The following DMXL2 variants were observed in gnomAD, a reference collection of about 807,000 sequenced individuals.
DMXL2 encodes Dmx like 2.
Under a neutral mutation model 331.1 loss-of-function variants are expected in DMXL2, and 103 were observed. That is an observed-to-expected ratio of 0.31 (90% CI 0.27 to 0.37). The LOEUF (loss-of-function observed/expected upper bound fraction) is 0.37. DMXL2 is among the 10% of genes least tolerant of loss of function. DMXL2 has a pLI of 1.00. For synonymous variants in DMXL2, 1,281 were observed against 1,252.1 expected (o/e 1.02, Z -0.49); for missense variants, 3,171 against 3,642.9 (o/e 0.87, Z 3.33).
chr15:51,534,079 G>A (rs1446046801), intron 13 of DMXL2, among the ~76,000 whole-genome samples: 1 of 152,164 alleles, frequency 6.6e-6, no homozygotes, highest in African/African-American at 2.4e-5. Flanking sequence ...AGGTTTAGCA[G>A]AGAGCAGGGA....
chr15:51,457,396 TTGCTGAATAGGA>T lies in DMXL2; in HGVS notation c.8257_8268del (p.Tyr2754_Ser2757del), dbSNP rs2039722684. 1 of 1,614,114 alleles carries T rather than the reference TTGCTGAATAGGA, an allele frequency of 6.2e-7. No homozygotes were observed. Among genetic ancestry groups the T allele is most frequent in the African/African-American group, 1.3e-5 (1 of 74,946 alleles). On this transcript the variant is annotated inframe_deletion, in exon 37 of 44. Coordinates refer to ENST00000560891, the MANE Select transcript of DMXL2 (RefSeq NM_001378457.1). ...AGAGATGAAGGTGGATGCACCTGAC[TTGCTGAATAGGA>T]TGTTGCACTGGGTTGATAAAGAGTT...
In DMXL2 at chr15:51,536,527, A is replaced by G; in HGVS notation, c.1953T>C (p.Phe651=). ...SHKFRYCGHR[F]HLNDLACHSV... ...AATGACATGCCAGGTCATTGAGGTG[A>G]AATCGATGACCGCAATATCTAAATT... The change falls in exon 12 of 44, where the codon TTT becomes TTC. Residue 651 remains phenylalanine, a synonymous_variant. Coordinates refer to ENST00000560891, the MANE Select transcript of DMXL2 (RefSeq NM_001378457.1). 6.2e-7 allele frequency: 1 copy of G among 1,613,982 alleles called. No individual in the cohort carries two copies. Among genetic ancestry groups the G allele is most frequent in the Non-Finnish European group, 8.5e-7 (1 of 1,179,946 alleles).
intron 6 of DMXL2, among the ~76,000 whole-genome samples, chr15:51,548,285 A>G (rs1320895950): frequency 6.6e-6 from 1 of 152,152 alleles, no homozygotes; most frequent in Admixed American, 6.6e-5. Context: ...GTATTCCTGA[A>G]AAGTATGCAT....
intron 2 of DMXL2, among the ~76,000 whole-genome samples, chr15:51,572,034 C>T (rs1386369101): frequency 1.3e-5 from 2 of 151,960 alleles, no homozygotes; most frequent in African/African-American, 4.8e-5. Context: ...ATACATAGAC[C>T]ACTAGCCAGA....
At chr15:51,583,106 C>CTTTTTTTTTTTTTCTTTTT (rs2051563028) in intron 1 of DMXL2, among the ~76,000 whole-genome samples, 1 of 87,180 alleles carries the variant, frequency 1.1e-5, no homozygotes. Context: ...CTTCATTCTT[C>CTTTTTTTTTTTTTCTTTTT]TTTTTTTTTT....
chr15:51,475,771 T>C (rs897428758), intron 27 of DMXL2, among the ~76,000 whole-genome samples: 2 of 152,112 alleles, frequency 1.3e-5, no homozygotes, highest in Admixed American at 1.3e-4. Context: ...AATTGGATAA[T>C]TATGTGAGAA....
At chr15:51,511,812 T>C (rs1211889627) in intron 15 of DMXL2, among the ~76,000 whole-genome samples, 1 of 152,134 alleles carries the variant, frequency 6.6e-6, no homozygotes, top group African/African-American at 2.4e-5. Flanking sequence ...AATGATAGAC[T>C]GGATAAAGAA....
chr15:51,591,244 C>T (rs966269602), intron 1 of DMXL2, among the ~76,000 whole-genome samples: 6 of 152,240 alleles, frequency 3.9e-5, no homozygotes, highest in African/African-American at 1.4e-4. Context: ...TAATACTGTG[C>T]TTTTGCAATG....
At chr15:51,519,427 A>G (rs950289099) in intron 13 of DMXL2, among the ~76,000 whole-genome samples, 8 of 152,054 alleles carry the variant, frequency 5.3e-5, no homozygotes, top group African/African-American at 1.9e-4. Context: ...TGTAGTTAAC[A>G]TTTTTCCAGA....
Position 51,481,135 on chromosome 15 carries a change from C to T in DMXL2, c.5971G>A (p.Asp1991Asn). The change falls in exon 24 of 44, where the codon GAC (aspartate) becomes AAC (asparagine). Residue 1991 changes from aspartate to asparagine, a missense_variant. Physicochemically the swap from Asp to Asn is conservative, Grantham distance 23. Transcript: ENST00000560891. ...TTCATCACTAAACCAACAGCATCGTCTTCCTCTTCATCTAAGGCACTGTCG... is the reference window on the plus strand; with the variant it reads ...TTCATCACTAAACCAACAGCATCGTTTTCCTCTTCATCTAAGGCACTGTCG... ...DHDSALDEEE[D>N]DAVGLVMKST... 1.2e-6 allele frequency: 2 copies of T among 1,612,180 alleles called. No individual in the cohort carries two copies. Among genetic ancestry groups the T allele is most frequent in the Non-Finnish European group, 1.7e-6 (2 of 1,178,610 alleles).
chr15:51,604,980 T>A (rs1283469618), intron 1 of DMXL2, among the ~76,000 whole-genome samples: 2 of 151,900 alleles, frequency 1.3e-5, no homozygotes, highest in African/African-American at 4.8e-5. Flanking sequence ...ACAAAGGCAA[T>A]TCAATGGAGA....
chr15:51,486,442 G>C (rs2042400419), intron 22 of DMXL2, 105 bp from the exon 23 acceptor site: 1 of 870,362 alleles, frequency 1.1e-6, no homozygotes, highest in African/African-American at 1.7e-5. Context: ...TATCCTAATG[G>C]TGGGCGAAGG....
intron 1 of DMXL2, among the ~76,000 whole-genome samples, chr15:51,596,615 T>C (rs1454387675): frequency 2.0e-5 from 3 of 152,202 alleles, no homozygotes; most frequent in Non-Finnish European, 4.4e-5. Flanking sequence ...TAAAGACACA[T>C]GCACACATAT....
In DMXL2 at chr15:51,565,177, T is replaced by C. The variant is rs377739312; in HGVS notation, c.286-11A>G. 6.5e-6 allele frequency: 10 copies of C among 1,544,962 alleles called. No individual in the cohort carries two copies. The highest frequency in any genetic ancestry group is 4.2e-5 in the African/African-American group (3 of 71,382). ...CTGGCACTTGAGTTGCTGAAATACG[T>C]AGACAAAAAGAAATAAGAAAAAAGA... On this transcript the variant is annotated splice_polypyrimidine_tract_variant and intron_variant, in intron 3 of 43. Coordinates refer to ENST00000560891, the MANE Select transcript of DMXL2 (RefSeq NM_001378457.1).
intron 19 of DMXL2, among the ~76,000 whole-genome samples, chr15:51,493,645 C>T (rs1307103956): frequency 6.6e-6 from 1 of 152,156 alleles, no homozygotes; most frequent in Non-Finnish European, 1.5e-5. Context: ...CACTTCTCAT[C>T]GCCAATGTTT....
chr15:51,556,427 TC>T (rs1224270961), intron 6 of DMXL2, among the ~76,000 whole-genome samples: 1 of 150,972 alleles, frequency 6.6e-6, no homozygotes, highest in Non-Finnish European at 1.5e-5. Context: ...TTGGGATTGT[TC>T]CAGGAATACA....
At chr15:51,466,163 A>G in intron 30 of DMXL2, 21 bp downstream of exon 30, 1 of 1,537,784 alleles carries the variant, frequency 6.5e-7, no homozygotes, top group Middle Eastern at 1.7e-4. Context: ...AAAAAATGAG[A>G]GAAAGAAAAG....
rs1387851238 is a variant in DMXL2 at position 51,449,012 on chromosome 15, A to T, written c.9149T>A (p.Ile3050Asn). The change falls in exon 44 of 44, where the codon ATC becomes AAC. Residue 3050 changes from isoleucine (I) to asparagine (N), a missense_variant. Ile to Asn is a moderately radical substitution (Grantham distance 149). Transcript: ENST00000560891. Reference sequence around the variant, plus strand: ...TAGAATGTCAAGAATTCTGTTAGGGATGTTAAAAGCATTGGGCAAAACCCT... The same window carrying T: ...TAGAATGTCAAGAATTCTGTTAGGGTTGTTAAAAGCATTGGGCAAAACCCT... ...KTRVLPNAFN[I>N]PNRILDIL 6.2e-7 allele frequency: 1 copy of T among 1,614,166 alleles called. No individual in the cohort carries two copies. The highest frequency in any genetic ancestry group is 1.7e-5 in the Admixed American group (1 of 60,004).
In DMXL2 at chr15:51,514,620, C is replaced by T. The variant is rs117433880; in HGVS notation, c.2527-61G>A. ...TTGAAATTCCCTGTCTCCCATCTCC[C>T]ATCTGTCACCTCCCCAATGCTAATG... On this transcript the variant is annotated intron_variant, in intron 14 of 43. Transcript: ENST00000560891. 5.4e-3 allele frequency: 5,121 copies of T among 944,914 alleles called. 20 individuals carry two copies. Among genetic ancestry groups the T allele is most frequent in the Non-Finnish European group, 7.4e-3 (4,441 of 603,798 alleles). 58.5% of individuals were successfully genotyped at this position (944,914 alleles called of 1,614,324 possible). A position where few individuals can be genotyped will look rare whatever the true frequency, so the allele number is the denominator to read the frequency against.
Sources: allele counts gnomAD v4.1 joint callset (sites outside exome capture counted in the v4.1 genomes callset), GRCh38; gene constraint gnomAD v4.1.1; transcripts MANE v1.5; gene names NCBI Gene and HGNC (gene_info 2026-07-23, HGNC 2026-07-21).